PHACTR1: variants seen among roughly 807,000 people sequenced by gnomAD.
PHACTR1 encodes the protein RPEL repeat containing 1.
A neutral mutation model predicts 69.2 loss-of-function variants in PHACTR1; 16 were observed. The observed-to-expected ratio is 0.23, with a 90% CI of 0.16 to 0.35. The LOEUF is 0.35. Among genes scored for constraint, PHACTR1 ranks in the 10% least tolerant of loss-of-function variants. PHACTR1 has a pLI of 1.00. For synonymous variants in PHACTR1, 312 were observed against 284.5 expected (o/e 1.10, Z -0.97); for missense variants, 510 against 734.7 (o/e 0.69, Z 3.54).
At chr6:13,260,632 A>T (rs142781188) in intron 10 of PHACTR1, among the ~76,000 whole-genome samples, 2 of 152,210 alleles carry the variant, frequency 1.3e-5, no homozygotes, top group East Asian at 3.9e-4. Flanking sequence ...CTCATTCAAG[A>T]TCTCACACTT....
rs757325925 is a variant in PHACTR1, at chr6:13,182,717, C to G, written c.664+31C>G. The G allele has an allele frequency of 6.1e-6, 9 of 1,483,824 alleles. No individual in the cohort carries two copies. In the South Asian group the frequency reaches 1.3e-4, roughly 22 times the overall value. 91.9% of individuals were successfully genotyped at this position (1,483,824 alleles called of 1,614,324 possible). ...GCCCCGGCAGGATTGTAGAGCAGGT[C>G]CCAGACACCAAGTCCAGCCAGGCAC... On this transcript the variant is annotated intron_variant, in intron 7 of 14. Coordinates refer to ENST00000332995, the MANE Select transcript of PHACTR1 (RefSeq NM_030948.6).
chr6:12,721,499 C>T lies in PHACTR1; in HGVS notation c.103+2652C>T, dbSNP rs114963816. ...CCACAAAAAATAGAAATTTTAAATA[C>T]ATTTAAAAATGCAGTGATTCATTTC... On this transcript the variant is annotated intron_variant, in intron 3 of 14. Coordinates refer to ENST00000332995, the MANE Select transcript of PHACTR1 (RefSeq NM_030948.6). Among the ~76,000 whole-genome samples, 1,297 of 152,290 alleles carry T rather than the reference C, an allele frequency of 8.5e-3. 25 individuals are homozygous for T. Among genetic ancestry groups the T allele is most frequent in the African/African-American group, 0.029 (1,202 of 41,560 alleles).
chr6:13,016,275 G>A (rs564294625), intron 4 of PHACTR1, among the ~76,000 whole-genome samples: 1 of 152,226 alleles, frequency 6.6e-6, no homozygotes, highest in Non-Finnish European at 1.5e-5. Context: ...AGGCTCTATA[G>A]AGGAAGGTGC....
chr6:12,931,877 C>G (rs1582555972), intron 4 of PHACTR1, among the ~76,000 whole-genome samples: 1 of 151,910 alleles, frequency 6.6e-6, no homozygotes, highest in African/African-American at 2.4e-5. Context: ...AGGCCAATAC[C>G]TTGGTACTCA....
intron 4 of PHACTR1, among the ~76,000 whole-genome samples, chr6:12,834,644 A>C (rs931336960): frequency 6.6e-6 from 1 of 152,184 alleles, no homozygotes; most frequent in Non-Finnish European, 1.5e-5. Context: ...AACTTGAGTA[A>C]TACAAGCAAA....
chr6:12,970,847 C>T (rs961316703), intron 4 of PHACTR1, among the ~76,000 whole-genome samples: 3 of 152,162 alleles, frequency 2.0e-5, no homozygotes, highest in Admixed American at 6.5e-5. Flanking sequence ...TTAAACATTA[C>T]AATTAATTAA....
At chr6:12,832,605 A>T (rs1481893070) in intron 4 of PHACTR1, among the ~76,000 whole-genome samples, 3 of 152,084 alleles carry the variant, frequency 2.0e-5, no homozygotes, top group African/African-American at 7.2e-5. Context: ...AACTTCTCAT[A>T]TGAAAGCCAA....
chr6:13,114,013 G>T (rs992974073), intron 5 of PHACTR1, among the ~76,000 whole-genome samples: 2 of 152,140 alleles, frequency 1.3e-5, no homozygotes, highest in Non-Finnish European at 2.9e-5. Flanking sequence ...ATAAAGGTCT[G>T]CAAAAATATT....
At chr6:13,140,556 A>T in intron 5 of PHACTR1, among the ~76,000 whole-genome samples, 1 of 152,226 alleles carries the variant, frequency 6.6e-6, no homozygotes, top group East Asian at 1.9e-4. Flanking sequence ...ATACTGTATG[A>T]TTCCACTTAA....
chr6:12,726,054 T>G (rs896368262), intron 3 of PHACTR1, among the ~76,000 whole-genome samples: 3 of 152,034 alleles, frequency 2.0e-5, no homozygotes, highest in Admixed American at 2.0e-4. Flanking sequence ...GGGAAGGACA[T>G]GCAAAAATAA....
intron 5 of PHACTR1, among the ~76,000 whole-genome samples, chr6:13,058,624 A>T (rs554794929): frequency 1.3e-5 from 2 of 152,310 alleles, no homozygotes; most frequent in South Asian, 4.1e-4. Flanking sequence ...GATAAGGGCA[A>T]TGAAGGAAAG....
intron 4 of PHACTR1, among the ~76,000 whole-genome samples, chr6:12,967,079 A>AT (rs2127576111): frequency 6.6e-6 from 1 of 152,370 alleles, no homozygotes; most frequent in East Asian, 1.9e-4. Flanking sequence ...ATATTACAAA[A>AT]TTAAAAAATC....
rs547738945 is a variant in PHACTR1 at position 13,002,555 on chromosome 6, T to C, written c.251-50810T>C. The stretch of plus-strand genomic sequence containing the variant: ...AGGAAAAGGCCAAACTCTTTCTCTG[T>C]TGGAAAATATACATAAGATCGAAGC... On this transcript the variant is annotated intron_variant, in intron 4 of 14. Transcript: ENST00000332995. Among the ~76,000 whole-genome samples, 4 of 152,302 alleles carry C rather than the reference T, an allele frequency of 2.6e-5. No homozygotes were observed. The South Asian group carries it at 6.2e-4, about 24-fold the overall frequency.
At chr6:12,739,781 C>A (rs1284093777) in intron 3 of PHACTR1, among the ~76,000 whole-genome samples, 3 of 152,164 alleles carry the variant, frequency 2.0e-5, no homozygotes, top group Admixed American at 2.0e-4. Context: ...AGCAATCATC[C>A]TGCCATAGCC....
At position 13,226,146 on chromosome 6, in the gene PHACTR1, CT is replaced by C. The variant is rs199518185; in HGVS notation, c.987-1662del. ...TGATTTAATCCTATTCAGTAGTTGG[CT>C]TTTTTTTAAGTTGATTTAGTTCATT... On this transcript the variant is annotated intron_variant, in intron 8 of 14. Transcript: ENST00000332995. Among the ~76,000 whole-genome samples the C allele has an allele frequency of 7.9e-5, 12 of 152,024 alleles. No individual in the cohort carries two copies. In the South Asian group the frequency reaches 1.0e-3, roughly 13 times the overall value.
chr6:12,754,336 A>C (rs1767025543), intron 4 of PHACTR1, among the ~76,000 whole-genome samples: 1 of 152,086 alleles, frequency 6.6e-6, no homozygotes, highest in South Asian at 2.1e-4. Flanking sequence ...AAAGGTTTTG[A>C]TAGGCATCCT....
chr6:13,260,686 T>C (rs1194780743), intron 10 of PHACTR1, among the ~76,000 whole-genome samples: 1 of 152,186 alleles, frequency 6.6e-6, no homozygotes, highest in Non-Finnish European at 1.5e-5. Flanking sequence ...GCATGCATCA[T>C]ACTGCCCAAA....
At position 12,959,203 on chromosome 6, in the gene PHACTR1, A is replaced by AG. The variant is rs1792356162; in HGVS notation, c.251-94162_251-94161insG. 1.2e-4 allele frequency among the ~76,000 whole-genome samples: 9 copies of AG among 76,000 alleles called. 1 individual carries two copies. Among genetic ancestry groups the AG allele is most frequent in the South Asian group, 3.6e-4 (1 of 2,760 alleles). 49.9% of individuals were successfully genotyped at this position (76,000 alleles called of 152,430 possible). A position where few individuals can be genotyped will look rare whatever the true frequency, so the allele number is the denominator to read the frequency against. On this transcript the variant is annotated intron_variant, in intron 4 of 14. Transcript: ENST00000332995. The stretch of plus-strand genomic sequence containing the variant: ...AAAAAAAAAAAAAAAAAAGAAAAGA[A>AG]AAAAAAAAGAAAAGAAAACAGAAAC...
intron 6 of PHACTR1, 98 bp from the exon 7 acceptor site, chr6:13,182,421 A>G (rs572142655): frequency 1.5e-6 from 2 of 1,325,440 alleles, no homozygotes; most frequent in African/African-American, 1.4e-5. Flanking sequence ...GCTGACCTTG[A>G]TTGTTCAGCA....
Sources: allele counts gnomAD v4.1 joint callset (sites outside exome capture counted in the v4.1 genomes callset), GRCh38; gene constraint gnomAD v4.1.1; transcripts MANE v1.5; gene names NCBI Gene and HGNC (gene_info 2026-07-23, HGNC 2026-07-21).